Variants in LARGE1 observed in about 807,000 individuals in gnomAD.
The protein encoded by LARGE1 is LARGE xylosyl- and glucuronyltransferase 1.
Under a neutral mutation model 87.6 loss-of-function variants are expected in LARGE1, and 43 were observed. That is an observed-to-expected ratio of 0.49 (90% CI 0.38 to 0.63). The LOEUF (loss-of-function observed/expected upper bound fraction) is 0.63. LARGE1 is among the 30% of genes least tolerant of loss of function. The pLI is 0.00. For synonymous variants in LARGE1, 434 were observed against 394.6 expected (o/e 1.10, Z -1.18); for missense variants, 802 against 1,000.2 (o/e 0.80, Z 2.67).
chr22:33,564,731 C>T, intron 6 of LARGE1, 117 bp downstream of exon 6: 1 of 996,618 alleles, frequency 1.0e-6, no homozygotes, highest in Admixed American at 1.8e-5. Context: ...TCCTCACCCA[C>T]TGCATTAGCA....
chr22:33,386,708 G>C (rs1235516891), intron 7 of LARGE1, among the ~76,000 whole-genome samples: 1 of 148,204 alleles, frequency 6.7e-6, no homozygotes, highest in Admixed American at 6.7e-5. Flanking sequence ...ACAATGTTGG[G>C]GGGGGTAGAA....
At chr22:33,197,288 T>A (rs1045419716) in intron 11 of LARGE1, among the ~76,000 whole-genome samples, 2 of 152,100 alleles carry the variant, frequency 1.3e-5, no homozygotes, top group Admixed American at 6.5e-5. Flanking sequence ...GTTCCAGCAG[T>A]GCAGTAAGGC....
At chr22:33,745,703 C>T (rs1479803166) in intron 2 of LARGE1, among the ~76,000 whole-genome samples, 4 of 152,176 alleles carry the variant, frequency 2.6e-5, no homozygotes, top group Admixed American at 2.0e-4. Context: ...TGGATCCAAT[C>T]ATCCATCAGC....
At chr22:33,528,778 C>T (rs1056869851) in intron 6 of LARGE1, among the ~76,000 whole-genome samples, 5 of 152,154 alleles carry the variant, frequency 3.3e-5, no homozygotes, top group Admixed American at 6.5e-5. Flanking sequence ...CAACCCATCA[C>T]GGCCGACAAC....
chr22:33,649,932 G>A (rs936040373), intron 3 of LARGE1, among the ~76,000 whole-genome samples: 1 of 152,178 alleles, frequency 6.6e-6, no homozygotes, highest in African/African-American at 2.4e-5. Flanking sequence ...CTGAATTGGA[G>A]AGGCTGTTTA....
rs1218968780 is a variant in LARGE1, at chr22:33,651,240, A to AAAAAAAAAAAAAAAAAAAC, written c.107-573_107-572insGTTTTTTTTTTTTTTTTTT. Among the ~76,000 whole-genome samples, 82 of 144,262 alleles carry AAAAAAAAAAAAAAAAAAAC rather than the reference A, an allele frequency of 5.7e-4. 6 individuals carry two copies. Among genetic ancestry groups the AAAAAAAAAAAAAAAAAAAC allele is most frequent in the Non-Finnish European group, 1.1e-3 (69 of 65,324 alleles). The allele number at this position is 144,262 out of a possible 152,430, so 94.6% of individuals were successfully genotyped here. On this transcript the variant is annotated intron_variant, in intron 2 of 14. Coordinates refer to ENST00000397394, the MANE Select transcript of LARGE1 (RefSeq NM_133642.5). Reference sequence around the variant, plus strand: ...ACTAAAAATACAAAAAAAAAAAAAAAAATTAGCCGGGCTTGGTGGCACACA... The same window carrying AAAAAAAAAAAAAAAAAAAC: ...ACTAAAAATACAAAAAAAAAAAAAAAAAAAAAAAAAAAAAAAAACAATTAGCCGGGCTTGGTGGCACACA...
At chr22:33,149,824 G>C in the LARGE1 span, among the ~76,000 whole-genome samples, 3 of 152,048 alleles carry the variant, frequency 2.0e-5, no homozygotes, top group Non-Finnish European at 4.4e-5. Flanking sequence ...GCTTCCAGAG[G>C]CTTCTTTCCA....
At chr22:33,186,567 T>G (rs1459867758) in intron 11 of LARGE1, among the ~76,000 whole-genome samples, 1 of 152,166 alleles carries the variant, frequency 6.6e-6, no homozygotes, top group African/African-American at 2.4e-5. Flanking sequence ...ACTAAACACT[T>G]TCTCCTAAAG....
chr22:33,882,121 C>CA (rs929022372), intron 1 of LARGE1, among the ~76,000 whole-genome samples: 1 of 151,536 alleles, frequency 6.6e-6, no homozygotes, highest in African/African-American at 2.4e-5. Context: ...CGGCTCACCG[C>CA]AAGCTCCGCC....
chr22:33,827,667 G>A (rs1220376238), intron 1 of LARGE1, among the ~76,000 whole-genome samples: 1 of 152,202 alleles, frequency 6.6e-6, no homozygotes, highest in Non-Finnish European at 1.5e-5. Context: ...CATCAGGGCT[G>A]TTCTTTTCGA....
the LARGE1 span, among the ~76,000 whole-genome samples, chr22:33,150,140 A>G: frequency 6.6e-6 from 1 of 152,204 alleles, no homozygotes; most frequent in African/African-American, 2.4e-5. Context: ...AAAGTATCAA[A>G]GAACTGAAAC....
At chr22:33,407,896 C>T (rs919097031) in intron 7 of LARGE1, among the ~76,000 whole-genome samples, 7 of 151,780 alleles carry the variant, frequency 4.6e-5, no homozygotes, top group African/African-American at 1.7e-4. Context: ...AAAGAAAATA[C>T]GTTTATTTGG....
intron 6 of LARGE1, among the ~76,000 whole-genome samples, chr22:33,482,363 G>A (rs1353559593): frequency 2.0e-5 from 3 of 151,880 alleles, no homozygotes; most frequent in Non-Finnish European, 4.4e-5. Flanking sequence ...CACATTTATC[G>A]GGCATTAAGC....
chr22:33,454,562 T>C (rs2068056375), intron 6 of LARGE1, among the ~76,000 whole-genome samples: 1 of 145,644 alleles, frequency 6.9e-6, no homozygotes, highest in Non-Finnish European at 1.5e-5. Flanking sequence ...GAGGTTGCAG[T>C]GAGCCGAGAT....
At chr22:33,629,976 T>C (rs926023908) in intron 3 of LARGE1, among the ~76,000 whole-genome samples, 8 of 152,166 alleles carry the variant, frequency 5.3e-5, no homozygotes, top group African/African-American at 1.7e-4. Flanking sequence ...AGGCGGCGGA[T>C]CACCTGAGGT....
the LARGE1 span, among the ~76,000 whole-genome samples, chr22:33,108,912 C>G: frequency 2.0e-5 from 3 of 152,028 alleles, no homozygotes; most frequent in Non-Finnish European, 2.9e-5. Flanking sequence ...GGTCCTGGCT[C>G]CACATTTAGG....
At chr22:33,583,856 G>A (rs2078591428) in intron 5 of LARGE1, among the ~76,000 whole-genome samples, 1 of 152,080 alleles carries the variant, frequency 6.6e-6, no homozygotes, top group East Asian at 1.9e-4. Context: ...AGCTCCCTTA[G>A]CACTTTCCAA....
At chr22:33,101,006 C>T in the LARGE1 span, among the ~76,000 whole-genome samples, 216 of 151,854 alleles carry the variant, frequency 1.4e-3, no homozygotes, top group Non-Finnish European at 1.8e-3. Flanking sequence ...CTACCACACC[C>T]GGCTAATTTT....
At chr22:33,225,478 A>G (rs901410656) in intron 11 of LARGE1, among the ~76,000 whole-genome samples, 1 of 152,188 alleles carries the variant, frequency 6.6e-6, no homozygotes, top group Non-Finnish European at 1.5e-5. Flanking sequence ...ATCAGATAAT[A>G]TAAGCACTCA....
Sources: allele counts gnomAD v4.1 joint callset (sites outside exome capture counted in the v4.1 genomes callset), GRCh38; gene constraint gnomAD v4.1.1; transcripts MANE v1.5; gene names NCBI Gene and HGNC (gene_info 2026-07-23, HGNC 2026-07-21).